ZNF544: variants seen among roughly 807,000 people sequenced by gnomAD.
ZNF544 encodes the protein zinc finger protein AF020591.
In ZNF544, 10 loss-of-function variants were observed where a neutral mutation model predicts 13.5. That is an observed-to-expected ratio of 0.74 (90% confidence interval 0.46 to 1.25). The LOEUF (loss-of-function observed/expected upper bound fraction) is 1.25, where lower values mean the gene tolerates loss of function less well. Ranked by LOEUF, ZNF544 falls within the 50% of genes most tolerant of loss-of-function variation. The pLI is 0.00. For synonymous variants in ZNF544, 323 were observed against 300.5 expected (o/e 1.07, Z -0.77); for missense variants, 896 against 845.6 (o/e 1.06, Z -0.74).
intron 3 of ZNF544, among the ~76,000 whole-genome samples, chr19:58,241,180 T>TCTATA (rs1491408473): frequency 1.5e-5 from 1 of 67,392 alleles, no homozygotes; most frequent in African/African-American, 6.8e-5. Flanking sequence ...TATATATATA[T>TCTATA]TTTTTTTTTT....
chr19:58,262,858 C>T lies in ZNF544; in HGVS notation c.*104C>T. 1 of 943,220 alleles carries T rather than the reference C, an allele frequency of 1.1e-6. No homozygotes were observed. Among genetic ancestry groups the T allele is most frequent in the Non-Finnish European group, 1.3e-6 (1 of 743,618 alleles). The allele number at this position is 943,220 out of a possible 1,614,324, so 58.4% of individuals were successfully genotyped here. ...AGCTATCAGTGTGACGTGTATTAAG[C>T]CAGCGGTTGTGACTCATTGAACATC... On this transcript the variant is annotated 3_prime_UTR_variant, in exon 7 of 7. Coordinates refer to ENST00000687789, the MANE Select transcript of ZNF544 (RefSeq NM_014480.4).
At position 58,243,962 on chromosome 19, in the gene ZNF544, C is replaced by CTTCTG; in HGVS notation, c.-59-3_-59-2insTTCTG. The CTTCTG allele has an allele frequency of 1.3e-6, 2 of 1,567,412 alleles. No homozygotes were observed. Among genetic ancestry groups the CTTCTG allele is most frequent in the Non-Finnish European group, 1.7e-6 (2 of 1,155,356 alleles). ...CTGAATCTCTGCTTGTTTTCCACCCCAGACTGGTCTTCTGAGGACCTCTGC... is the reference window on the plus strand; with the variant it reads ...CTGAATCTCTGCTTGTTTTCCACCCCTTCTGAGACTGGTCTTCTGAGGACCTCTGC... On this transcript the variant is annotated splice_region_variant and splice_polypyrimidine_tract_variant and intron_variant, in intron 3 of 6. Transcript: ENST00000687789.
rs757908942 is a variant in ZNF544 at position 58,246,786 on chromosome 19, C to T, written c.236C>T (p.Ala79Val). 5.6e-6 allele frequency: 9 copies of T among 1,613,372 alleles called. No individual in the cohort carries two copies. The highest frequency in any genetic ancestry group is 3.3e-5 in the South Asian group (3 of 91,050). ...GACCTGTGCAGGGCAGAGCAGGAGG[C>T]CCCCCGAGGTAAGAGCAGACCTTGT... ...EEDLCRAEQE[A>V]PRDWKATLEE... The change falls in exon 6 of 7, where the codon GCC (alanine) becomes GTC (valine). Residue 79 changes from alanine (A) to valine (V), a missense_variant. By Grantham distance (64) the Ala-to-Val change is moderately conservative. Coordinates refer to ENST00000687789, the MANE Select transcript of ZNF544 (RefSeq NM_014480.4).
chr19:58,254,130 A>G (rs1306675887), intron 6 of ZNF544, among the ~76,000 whole-genome samples: 3 of 152,092 alleles, frequency 2.0e-5, no homozygotes, highest in African/African-American at 7.2e-5. Context: ...AGGCTGAGGC[A>G]GGAGAATGGC....
intron 6 of ZNF544, among the ~76,000 whole-genome samples, chr19:58,253,944 A>G (rs1387392337): frequency 6.6e-6 from 1 of 152,206 alleles, no homozygotes; most frequent in Non-Finnish European, 1.5e-5. Flanking sequence ...TTCTTTAGTA[A>G]AGATTTACTT....
exon 7 of ZNF544, chr19:58,277,297 TGAGCCCCTC>T: frequency 8.6e-7 from 1 of 1,166,928 alleles, no homozygotes; most frequent in South Asian, 4.4e-5. Flanking sequence ...GTGGCCAGCT[TGAGCCCCTC>T]GGGAGTCAGC....
chr19:58,242,202 G>T, intron 3 of ZNF544: 1 of 984,488 alleles, frequency 1.0e-6, no homozygotes, highest in Non-Finnish European at 1.2e-6. Context: ...CTGTGAGGTG[G>T]CCCATGCTTA....
At chr19:58,253,795 G>A (rs1410534785) in intron 6 of ZNF544, among the ~76,000 whole-genome samples, 1 of 152,024 alleles carries the variant, frequency 6.6e-6, no homozygotes, top group African/African-American at 2.4e-5. Flanking sequence ...TTTTGTTTTG[G>A]CTGGGTTAAT....
At chr19:58,256,047 A>G (rs896542811) in intron 6 of ZNF544, among the ~76,000 whole-genome samples, 3 of 152,242 alleles carry the variant, frequency 2.0e-5, no homozygotes, top group African/African-American at 7.2e-5. Flanking sequence ...GTTTCACCAG[A>G]GAGTGGCTCC....
At chr19:58,245,547 G>A (rs538753230) in intron 4 of ZNF544, among the ~76,000 whole-genome samples, 232 of 151,422 alleles carry the variant, frequency 1.5e-3, no homozygotes, top group Non-Finnish European at 1.6e-3. Flanking sequence ...TGATCTGCCC[G>A]CCTCGGCCTC....
chr19:58,275,783 C>CAAA (rs57148438), intron 5 of ZNF544, among the ~76,000 whole-genome samples: 8,737 of 65,918 alleles, frequency 0.13, 1,060 homozygotes, highest in African/African-American at 0.33. Context: ...GACCCTGTCT[C>CAAA]AAAAAAAAAA....
chr19:58,263,526 C>G lies in ZNF544; in HGVS notation c.*772C>G, dbSNP rs1180673043. ...TTTACTAGAAATCAGGTGGCCAAAA[C>G]ATGACTCTCAGAGTGGGGCTTCATG... On this transcript the variant is annotated 3_prime_UTR_variant, in exon 7 of 7. Coordinates refer to ENST00000687789, the MANE Select transcript of ZNF544 (RefSeq NM_014480.4). 5 of 985,326 alleles carry G rather than the reference C, an allele frequency of 5.1e-6. No homozygotes were observed. The highest frequency in any genetic ancestry group is 1.2e-4 in the Admixed American group (2 of 16,258). The allele number at this position is 985,326 out of a possible 1,614,324, so 61.0% of individuals were successfully genotyped here. A position where few individuals can be genotyped will look rare whatever the true frequency, so the allele number is the denominator to read the frequency against.
chr19:58,264,843 C>CA (rs900928392), downstream of ZNF544, among the ~76,000 whole-genome samples: 1 of 151,880 alleles, frequency 6.6e-6, no homozygotes, highest in Non-Finnish European at 1.5e-5. Context: ...CCCATCTCTA[C>CA]AAAAAATAGA....
intron 3 of ZNF544, among the ~76,000 whole-genome samples, chr19:58,237,238 A>AT: frequency 6.6e-6 from 1 of 151,498 alleles, no homozygotes; most frequent in South Asian, 2.1e-4. Context: ...TAATTTTTGT[A>AT]TTTTTTGTAG....
rs1311620070 is a variant in ZNF544 at position 58,229,456 on chromosome 19, G to C, written c.-231-12G>C. 6.6e-6 allele frequency: 1 copy of C among 152,286 alleles called. No homozygotes were observed. Among genetic ancestry groups the C allele is most frequent in the African/African-American group, 2.4e-5 (1 of 41,442 alleles). 9.4% of individuals were successfully genotyped at this position (152,286 alleles called of 1,614,324 possible). The stretch of plus-strand genomic sequence containing the variant: ...TTCCTCCCTCAACTCATCTTCTGCG[G>C]CTTATCCACAGGTGGCAGCCAAGAG... On this transcript the variant is annotated splice_polypyrimidine_tract_variant and intron_variant, in intron 1 of 6. Transcript: ENST00000687789.
chr19:58,237,946 T>G (rs1474864392), intron 3 of ZNF544, among the ~76,000 whole-genome samples: 1 of 152,214 alleles, frequency 6.6e-6, no homozygotes, highest in Non-Finnish European at 1.5e-5. Context: ...GGGGAGTGTC[T>G]GGAGATTTTT....
chr19:58,262,574 T>G lies in ZNF544; in HGVS notation c.1968T>G (p.Gly656=). ...YLVMHQRTHT[G]EKPFECSQCG... Reference sequence around the variant, plus strand: ...TGATGCATCAGAGAACTCACACTGGTGAGAAACCTTTTGAGTGTAGTCAGT... The same window carrying G: ...TGATGCATCAGAGAACTCACACTGGGGAGAAACCTTTTGAGTGTAGTCAGT... The change falls in exon 7 of 7, where the codon GGT becomes GGG. Residue 656 remains glycine, a synonymous_variant. Transcript: ENST00000687789. 2.5e-6 allele frequency: 4 copies of G among 1,614,062 alleles called. No individual in the cohort carries two copies. The highest frequency in any genetic ancestry group is 3.4e-6 in the Non-Finnish European group (4 of 1,179,998).
chr19:58,237,547 C>G (rs1056694899), intron 3 of ZNF544, among the ~76,000 whole-genome samples: 4 of 152,242 alleles, frequency 2.6e-5, no homozygotes, highest in Non-Finnish European at 4.4e-5. Flanking sequence ...CACGGGCTGA[C>G]GGAGCCAGAC....
downstream of ZNF544, among the ~76,000 whole-genome samples, chr19:58,268,272 G>C (rs1454595291): frequency 6.6e-6 from 1 of 152,136 alleles, no homozygotes; most frequent in Non-Finnish European, 1.5e-5. Context: ...TTACACTCCA[G>C]CCTGGGCAAC....
Sources: allele counts gnomAD v4.1 joint callset (sites outside exome capture counted in the v4.1 genomes callset), GRCh38; gene constraint gnomAD v4.1.1; transcripts MANE v1.5; gene names NCBI Gene and HGNC (gene_info 2026-07-23, HGNC 2026-07-21).